Variants in SAA4 observed in about 807,000 individuals in gnomAD.
SAA4 encodes serum amyloid A4, constitutive.
In SAA4, 8 loss-of-function variants were observed where a neutral mutation model predicts 11.2. The ratio of observed to expected loss-of-function variants is 0.71; its 90% CI spans 0.42 to 1.29. The LOEUF (loss-of-function observed/expected upper bound fraction) is 1.29, where lower values mean the gene tolerates loss of function less well. Ranked by LOEUF, SAA4 falls within the 50% of genes most tolerant of loss-of-function variation. SAA4 has a pLI of 0.01. For synonymous variants in SAA4, 60 were observed against 56.2 expected (o/e 1.07, Z -0.30); for missense variants, 171 against 164.2 (o/e 1.04, Z -0.23).
chr11:18,232,896 T>C (rs1857158023), intron 2 of SAA4, among the ~76,000 whole-genome samples: 1 of 152,238 alleles, frequency 6.6e-6, no homozygotes. Flanking sequence ...TACATGGGTC[T>C]GTGTGTACTG....
At chr11:18,232,025 T>G (rs998643928) in intron 3 of SAA4, among the ~76,000 whole-genome samples, 1 of 151,662 alleles carries the variant, frequency 6.6e-6, no homozygotes, top group African/African-American at 2.4e-5. Context: ...GGGACTACGG[T>G]GCATGCCACC....
At chr11:18,233,207 G>T (rs1375373074) in intron 2 of SAA4, among the ~76,000 whole-genome samples, 1 of 152,212 alleles carries the variant, frequency 6.6e-6, no homozygotes, top group African/African-American at 2.4e-5. Context: ...TGAAGGGCAT[G>T]AATGTAAATG....
At position 18,231,806 on chromosome 11, in the gene SAA4, A is replaced by C. The variant is rs1857138900; in HGVS notation, c.231-142T>G. The stretch of plus-strand genomic sequence containing the variant: ...CTGGAAAACTCAAGGAAAGGGGAAG[A>C]AAACTATCAATCTTCTTGGGCAAAG... On this transcript the variant is annotated intron_variant, in intron 3 of 3. Coordinates refer to ENST00000278222, the MANE Select transcript of SAA4 (RefSeq NM_006512.4). 3 of 1,064,696 alleles carry C rather than the reference A, an allele frequency of 2.8e-6. No homozygotes were observed. The South Asian group carries it at 5.2e-5, about 18-fold the overall frequency. The allele number at this position is 1,064,696 out of a possible 1,614,324, so 66.0% of individuals were successfully genotyped here.
intron 2 of SAA4, among the ~76,000 whole-genome samples, chr11:18,233,701 G>A (rs1286698253): frequency 1.4e-5 from 2 of 148,132 alleles, no homozygotes; most frequent in Non-Finnish European, 3.0e-5. Context: ...TTTTGGTAGA[G>A]ATGGGGTCTC....
Position 18,235,896 on chromosome 11 carries a change from A to T in SAA4, c.31T>A (p.Ser11Thr). The change falls in exon 2 of 4, where the codon TCC (serine) becomes ACC (threonine). Residue 11 changes from serine (S) to threonine (T), a missense_variant. Physicochemically the swap from Ser to Thr is moderately conservative, Grantham distance 58. Coordinates refer to ENST00000278222, the MANE Select transcript of SAA4 (RefSeq NM_006512.4). MRLFTGIVFC[S>T]LVMGVTSESW... ...TCACTGGTGACTCCCATGACCAAGGAGCAGAAAACAATGCCTGTGAAAAGC... is the reference window on the plus strand; with the variant it reads ...TCACTGGTGACTCCCATGACCAAGGTGCAGAAAACAATGCCTGTGAAAAGC... 1 of 1,613,694 alleles carries T rather than the reference A, an allele frequency of 6.2e-7. No homozygotes were observed. Among genetic ancestry groups the T allele is most frequent in the Admixed American group, 1.7e-5 (1 of 59,998 alleles).
chr11:18,235,835 C>A lies in SAA4; in HGVS notation c.91+1G>T. The A allele has an allele frequency of 2.5e-6, 4 of 1,613,556 alleles. No individual in the cohort carries two copies. Among genetic ancestry groups the A allele is most frequent in the Non-Finnish European group, 3.4e-6 (4 of 1,179,676 alleles). ...TGCCCTCCATCCTCCAGAGTTCTTACCTTGGAGAGCCTCCTTGAAAAACGA... is the reference window on the plus strand; with the variant it reads ...TGCCCTCCATCCTCCAGAGTTCTTAACTTGGAGAGCCTCCTTGAAAAACGA... On this transcript the variant is annotated splice_donor_variant, in intron 2 of 3. Coordinates refer to ENST00000278222, the MANE Select transcript of SAA4 (RefSeq NM_006512.4). LOFTEE classifies it high-confidence loss of function.
rs147763538 is a variant in SAA4 at position 18,232,524 on chromosome 11, T to A, written c.101A>T (p.Asp34Val). 4,283 of 1,613,278 alleles carry A rather than the reference T, an allele frequency of 2.7e-3. 8 individuals are homozygous for A. The highest frequency in any genetic ancestry group is 3.1e-3 in the Non-Finnish European group (3,690 of 1,179,718). Residue 34 changes from aspartate to valine, a missense_variant, in exon 3 of 4, where the codon GAC (aspartate) becomes GTC (valine). Transcript: ENST00000278222. Reference sequence around the variant, plus strand: ...TATGTCCCAATAGGCTCTGCCCATGTCCCCAACCCCTGGAAAGAAAAAAAA... The same window carrying A: ...TATGTCCCAATAGGCTCTGCCCATGACCCCAACCCCTGGAAAGAAAAAAAA... ...FFKEALQGVG[D>V]MGRAYWDIMI...
chr11:18,231,388 G>T lies in SAA4; in HGVS notation c.*114C>A, dbSNP rs911263536. ...GACAAACATTTATTGAACACCTCTA[G>T]GTGCCCTATACCAGTTCCTGGGGAC... On this transcript the variant is annotated 3_prime_UTR_variant, in exon 4 of 4. Transcript: ENST00000278222. 3 of 1,464,680 alleles carry T rather than the reference G, an allele frequency of 2.0e-6. No homozygotes were observed. Among genetic ancestry groups the T allele is most frequent in the Non-Finnish European group, 2.8e-6 (3 of 1,088,074 alleles). 90.7% of individuals were successfully genotyped at this position (1,464,680 alleles called of 1,614,324 possible).
In SAA4 at chr11:18,231,546, C is replaced by A. The variant is rs755247632; in HGVS notation, c.349G>T (p.Asp117Tyr). Residue 117 changes from aspartate to tyrosine, a missense_variant, in exon 4 of 4, where the codon GAC becomes TAC. Physicochemically the swap from Asp to Tyr is radical, Grantham distance 160. Transcript: ENST00000278222. ...KAEEWGRSGK[D>Y]PDRFRPDGLP... ...CCGTCAGGTCTGAAGCGGTCGGGGT[C>A]TTTGCCACTCCGGCCCCATTCCTCA... The A allele has an allele frequency of 1.2e-6, 2 of 1,613,984 alleles. No homozygotes were observed. Among genetic ancestry groups the A allele is most frequent in the African/African-American group, 2.7e-5 (2 of 74,926 alleles).
At position 18,234,135 on chromosome 11, in the gene SAA4, A is replaced by G. The variant is rs566330317; in HGVS notation, c.92-1602T>C. On this transcript the variant is annotated intron_variant, in intron 2 of 3. Transcript: ENST00000278222. ...ATTAATACACATGACAAATGCTGTC[A>G]TGTATATTAGTATGTCGTAATGTTG... 5.1e-4 allele frequency among the ~76,000 whole-genome samples: 78 copies of G among 152,382 alleles called. 1 individual carries two copies. Among genetic ancestry groups the G allele is most frequent in the African/African-American group, 1.8e-3 (76 of 41,598 alleles).
At position 18,231,473 on chromosome 11, in the gene SAA4, G is replaced by A; in HGVS notation, c.*29C>T. The A allele has an allele frequency of 6.2e-7, 1 of 1,603,010 alleles. No individual in the cohort carries two copies. The highest frequency in any genetic ancestry group is 8.5e-7 in the Non-Finnish European group (1 of 1,176,024). On this transcript the variant is annotated 3_prime_UTR_variant, in exon 4 of 4. Coordinates refer to ENST00000278222, the MANE Select transcript of SAA4 (RefSeq NM_006512.4). ...GGAGAAGTGTGTGGCTCACAGCCCAGTTTCCCTGAGAGCAGAGGAGCAGGA... is the reference window on the plus strand; with the variant it reads ...GGAGAAGTGTGTGGCTCACAGCCCAATTTCCCTGAGAGCAGAGGAGCAGGA...
chr11:18,233,076 C>A (rs1320082584), intron 2 of SAA4, among the ~76,000 whole-genome samples: 2 of 152,146 alleles, frequency 1.3e-5, no homozygotes, highest in East Asian at 1.9e-4. Flanking sequence ...ACAACTAGGA[C>A]TTGAATAAAT....
intron 2 of SAA4, among the ~76,000 whole-genome samples, chr11:18,232,784 T>G (rs7932443): frequency 0.014 from 2,151 of 152,260 alleles, 59 homozygotes; most frequent in African/African-American, 0.049. Context: ...CATGGGTCTG[T>G]GTGTGCTGTG....
intron 1 of SAA4, among the ~76,000 whole-genome samples, chr11:18,236,387 C>T (rs537576225): frequency 2.2e-4 from 34 of 152,206 alleles, no homozygotes; most frequent in African/African-American, 7.9e-4. Context: ...AAGACTAATT[C>T]CCCATTTCCA....
rs1857131809 is a variant in SAA4, at chr11:18,231,426, G to T, written c.*76C>A. On this transcript the variant is annotated 3_prime_UTR_variant, in exon 4 of 4. Transcript: ENST00000278222. Reference sequence around the variant, plus strand: ...AGTTCCTGGGGACACAAAGCTCAGTGACCCTGTGTCCCTGTCTGGGGGGAG... The same window carrying T: ...AGTTCCTGGGGACACAAAGCTCAGTTACCCTGTGTCCCTGTCTGGGGGGAG... The T allele has an allele frequency of 1.3e-6, 2 of 1,550,228 alleles. No homozygotes were observed. The highest frequency in any genetic ancestry group is 4.5e-5 in the East Asian group (2 of 44,496).
chr11:18,231,879 T>C (rs1357645027), intron 3 of SAA4, among the ~76,000 whole-genome samples: 6 of 106,768 alleles, frequency 5.6e-5, no homozygotes, highest in Non-Finnish European at 9.1e-5. Context: ...GCTTTCCCTT[T>C]TTTTTTTTTT....
Position 18,235,909 on chromosome 11 carries a change from G to A in SAA4, c.18C>T (p.Gly6=). The stretch of plus-strand genomic sequence containing the variant: ...CCATGACCAAGGAGCAGAAAACAAT[G>A]CCTGTGAAAAGCCTCATTGTGCTGA... MRLFT[G]IVFCSLVMGV... The change falls in exon 2 of 4, where the codon GGC becomes GGT. Residue 6 remains glycine (G), a synonymous_variant. Coordinates refer to ENST00000278222, the MANE Select transcript of SAA4 (RefSeq NM_006512.4). The A allele has an allele frequency of 6.2e-7, 1 of 1,613,228 alleles. No individual in the cohort carries two copies. Among genetic ancestry groups the A allele is most frequent in the Admixed American group, 1.7e-5 (1 of 59,936 alleles).
At position 18,232,453 on chromosome 11, in the gene SAA4, C is replaced by G. The variant is rs1273067308; in HGVS notation, c.172G>C (p.Gly58Arg). ...CCTCTTTGGGCAGCATCATAGTTTC[C>G]CCGAGCATAGAGATATCTGTTTGAA... ...QNSNRYLYAR[G>R]NYDAAQRGPG... The change falls in exon 3 of 4, where the codon GGA (glycine) becomes CGA (arginine). Residue 58 changes from glycine to arginine, a missense_variant. Transcript: ENST00000278222. 6.2e-7 allele frequency: 1 copy of G among 1,614,130 alleles called. No individual in the cohort carries two copies. Among genetic ancestry groups the G allele is most frequent in the South Asian group, 1.1e-5 (1 of 91,074 alleles).
Position 18,231,423 on chromosome 11 carries a change from A to G in SAA4, c.*79T>C. 1 of 1,547,310 alleles carries G rather than the reference A, an allele frequency of 6.5e-7. No homozygotes were observed. The highest frequency in any genetic ancestry group is 8.7e-7 in the Non-Finnish European group (1 of 1,150,566). On this transcript the variant is annotated 3_prime_UTR_variant, in exon 4 of 4. Coordinates refer to ENST00000278222, the MANE Select transcript of SAA4 (RefSeq NM_006512.4). ...ACCAGTTCCTGGGGACACAAAGCTC[A>G]GTGACCCTGTGTCCCTGTCTGGGGG...
Sources: gnomAD v4.1 joint callset for allele counts (sites outside exome capture counted in the v4.1 genomes callset) on GRCh38, gnomAD v4.1.1 for gene constraint, MANE v1.5 for transcripts, NCBI Gene and HGNC (gene_info 2026-07-23, HGNC 2026-07-21) for gene names.